Variants in SYCP2 observed in about 807,000 individuals in gnomAD.
The protein encoded by SYCP2 is synaptonemal complex lateral element protein.
Under a neutral mutation model 211.3 loss-of-function variants are expected in SYCP2, and 55 were observed. The ratio of observed to expected loss-of-function variants is 0.26; its 90% CI spans 0.21 to 0.33. The LOEUF (loss-of-function observed/expected upper bound fraction) is 0.33. SYCP2 is among the 10% of genes least tolerant of loss of function. The pLI, the probability that SYCP2 is intolerant of heterozygous loss-of-function variation, is 1.00. For missense variants in SYCP2, 1,731 were observed against 1,752.0 expected (o/e 0.99, Z 0.21); for synonymous variants, 570 against 555.2 (o/e 1.03, Z -0.37).
chr20:59,887,483 C>T (rs1309710059), intron 24 of SYCP2, among the ~76,000 whole-genome samples: 3 of 152,106 alleles, frequency 2.0e-5, no homozygotes, highest in Non-Finnish European at 4.4e-5. Context: ...TTTATAGCAG[C>T]ATTATTTATA....
At chr20:59,887,696 A>T (rs965967132) in intron 24 of SYCP2, among the ~76,000 whole-genome samples, 2 of 152,090 alleles carry the variant, frequency 1.3e-5, no homozygotes, top group Non-Finnish European at 2.9e-5. Context: ...CAGACATTTT[A>T]AAAAATGTTT....
chr20:59,908,105 C>T (rs746384815), intron 14 of SYCP2, among the ~76,000 whole-genome samples: 94 of 151,990 alleles, frequency 6.2e-4, no homozygotes, highest in African/African-American at 2.0e-3. Flanking sequence ...AAAAATTAGC[C>T]GGGCGTGGTG....
intron 28 of SYCP2, 40 bp from the exon 29 acceptor site, chr20:59,881,532 C>CA (rs1467563075): frequency 2.0e-5 from 21 of 1,030,572 alleles, no homozygotes; most frequent in Non-Finnish European, 2.6e-5. Flanking sequence ...GTGTCAGTGT[C>CA]AAAATAAAAA....
intron 6 of SYCP2, 91 bp from the exon 7 acceptor site, chr20:59,919,273 GAC>G (rs1454240588): frequency 2.7e-6 from 2 of 735,302 alleles, no homozygotes; most frequent in Non-Finnish European, 4.5e-6. Context: ...GTATTGAAAT[GAC>G]AGATTACATT....
chr20:59,895,192 A>G (rs1178725461), intron 20 of SYCP2, among the ~76,000 whole-genome samples: 9 of 152,080 alleles, frequency 5.9e-5, no homozygotes, highest in Admixed American at 5.9e-4. Flanking sequence ...TGGCAGGTTC[A>G]TTTATGCTCC....
chr20:59,896,852 TTGCAATTTCCTATTC>T (rs2060018448), intron 18 of SYCP2, among the ~76,000 whole-genome samples: 1 of 152,190 alleles, frequency 6.6e-6, no homozygotes, highest in Non-Finnish European at 1.5e-5. Flanking sequence ...TAACCATAGC[TTGCAATTTCCTATTC>T]TATATCATGA....
chr20:59,867,627 G>A, intron 39 of SYCP2, 84 bp downstream of exon 39: 1 of 1,223,028 alleles, frequency 8.2e-7, no homozygotes, highest in Non-Finnish European at 1.1e-6. Flanking sequence ...GTTGCCAAAG[G>A]ATCAAACAAG....
chr20:59,929,668 A>C (rs186664081), intron 2 of SYCP2, among the ~76,000 whole-genome samples: 2 of 151,206 alleles, frequency 1.3e-5, no homozygotes, highest in African/African-American at 4.9e-5. Flanking sequence ...TAAAATCTAA[A>C]GTATACTTAA....
chr20:59,881,518 A>G, intron 28 of SYCP2, 26 bp from the exon 29 acceptor site: 2 of 1,218,774 alleles, frequency 1.6e-6, no homozygotes, highest in Non-Finnish European at 2.3e-6. Flanking sequence ...ACAAAAAAAA[A>G]GAGGTGTCAG....
chr20:59,867,809 A>C lies in SYCP2; in HGVS notation c.4027T>G (p.Ser1343Ala), dbSNP rs756747932. ...TTTTGCCAGGTCTCCCAAGGAATAG[A>C]AAAGTCATTTGTTGATAATGAAGAT... ...SVSSLSTNDFSIPWETWQNEF... is the reference protein window; with the variant it reads ...SVSSLSTNDFAIPWETWQNEF... Residue 1343 changes from serine to alanine, a missense_variant, in exon 39 of 45, where the codon TCT becomes GCT. Ser to Ala is a moderately conservative substitution (Grantham distance 99, BLOSUM62 1). This residue lies in a region of SYCP2 where 1,387 missense variants were observed against 1,351.3 expected (regional missense o/e 1.03). Coordinates refer to ENST00000357552, the MANE Select transcript of SYCP2 (RefSeq NM_014258.4). 2.5e-6 allele frequency: 4 copies of C among 1,609,704 alleles called. No individual in the cohort carries two copies. The highest frequency in any genetic ancestry group is 3.4e-6 in the Non-Finnish European group (4 of 1,177,094).
At chr20:59,908,965 A>G (rs1490961981) in intron 14 of SYCP2, among the ~76,000 whole-genome samples, 4 of 152,174 alleles carry the variant, frequency 2.6e-5, no homozygotes, top group Non-Finnish European at 5.9e-5. Flanking sequence ...AGGAATGCCT[A>G]AACTCTTCAC....
chr20:59,880,645 A>G (rs2059660222), intron 30 of SYCP2, among the ~76,000 whole-genome samples, 174 bp from the exon 31 acceptor site: 1 of 151,794 alleles, frequency 6.6e-6, no homozygotes, highest in African/African-American at 2.4e-5. Flanking sequence ...CTATCCAAGA[A>G]AGTCACTTGG....
At chr20:59,919,309 T>C in intron 6 of SYCP2, 127 bp from the exon 7 acceptor site, 1 of 670,566 alleles carries the variant, frequency 1.5e-6, no homozygotes, top group Non-Finnish European at 2.6e-6. Context: ...TAATTACTTT[T>C]TATTAACTAA....
chr20:59,865,912 TA>T, intron 41 of SYCP2, 47 bp from the exon 42 acceptor site: 1 of 836,552 alleles, frequency 1.2e-6, no homozygotes, highest in Non-Finnish European at 1.8e-6. Context: ...ATTTTAGTCC[TA>T]AAATAAAATC....
intron 16 of SYCP2, among the ~76,000 whole-genome samples, chr20:59,901,388 C>T (rs1181966375): frequency 6.6e-6 from 1 of 151,994 alleles, no homozygotes. Context: ...ATCTTGAAAA[C>T]AGTGTTTTCT....
At chr20:59,891,634 CAA>C (rs2059907117) in intron 24 of SYCP2, among the ~76,000 whole-genome samples, 3 of 149,896 alleles carry the variant, frequency 2.0e-5, no homozygotes, top group South Asian at 2.1e-4. Context: ...TGGTTACAGT[CAA>C]AGAGAGAAAA....
intron 18 of SYCP2, among the ~76,000 whole-genome samples, chr20:59,896,989 C>T (rs550713111): frequency 6.6e-6 from 1 of 152,238 alleles, no homozygotes; most frequent in South Asian, 2.1e-4. Flanking sequence ...TCTGTGAAGA[C>T]TAAACTGGAG....
intron 7 of SYCP2, among the ~76,000 whole-genome samples, chr20:59,917,188 G>T (rs572927226): frequency 6.6e-6 from 1 of 151,806 alleles, no homozygotes; most frequent in Non-Finnish European, 1.5e-5. Context: ...CAATTCTAAG[G>T]CTTTTACCAA....
intron 24 of SYCP2, among the ~76,000 whole-genome samples, chr20:59,890,711 T>A (rs980346283): frequency 2.0e-5 from 3 of 151,666 alleles, no homozygotes; most frequent in Non-Finnish European, 2.9e-5. Flanking sequence ...TTGATTTTTT[T>A]AAAAATCAGA....
Sources: gnomAD v4.1 joint callset for allele counts (sites outside exome capture counted in the v4.1 genomes callset) on GRCh38, gnomAD v4.1.1 for gene constraint, gnomAD v4.1.1 regional missense constraint, MANE v1.5 for transcripts, NCBI Gene and HGNC (gene_info 2026-07-23, HGNC 2026-07-21) for gene names.